PATJ: variants seen among roughly 807,000 people sequenced by gnomAD.
PATJ encodes the protein inaD-like protein.
A neutral mutation model predicts 224.9 loss-of-function variants in PATJ; 190 were observed. The observed-to-expected ratio is 0.84, with a 90% confidence interval of 0.75 to 0.95. PATJ has a LOEUF of 0.95. Ranked by LOEUF, PATJ falls within the 40% of genes least tolerant of loss-of-function variation. The pLI, the probability that PATJ is intolerant of heterozygous loss-of-function variation, is 0.00. For missense variants in PATJ, 2,121 were observed against 2,270.3 expected (o/e 0.93, Z 1.34); for synonymous variants, 769 against 820.3 (o/e 0.94, Z 1.07).
chr1:62,092,173 T>G (rs1364958996), intron 33 of PATJ, among the ~76,000 whole-genome samples: 2 of 150,058 alleles, frequency 1.3e-5, no homozygotes, highest in Non-Finnish European at 3.0e-5. Context: ...AGGCCAGGAG[T>G]TTGAGACTAA....
At chr1:61,933,859 T>C (rs1455192688) in intron 27 of PATJ, among the ~76,000 whole-genome samples, 1 of 152,214 alleles carries the variant, frequency 6.6e-6, no homozygotes, top group Non-Finnish European at 1.5e-5. Flanking sequence ...CTGTTTGTTA[T>C]TTCTCTTCCT....
intron 28 of PATJ, among the ~76,000 whole-genome samples, chr1:62,001,073 TA>T (rs1645738923): frequency 6.6e-6 from 1 of 152,112 alleles, no homozygotes; most frequent in Non-Finnish European, 1.5e-5. Context: ...GAGTTCATTA[TA>T]GATTCTGGAT....
chr1:61,777,553 A>T (rs918580357), intron 7 of PATJ, among the ~76,000 whole-genome samples: 13 of 152,190 alleles, frequency 8.5e-5, no homozygotes, highest in South Asian at 4.1e-4. Context: ...ATAAAAACAA[A>T]AGAAAAGAAA....
At chr1:61,840,270 A>G (rs1660873505) in intron 17 of PATJ, among the ~76,000 whole-genome samples, 1 of 152,042 alleles carries the variant, frequency 6.6e-6, no homozygotes, top group Admixed American at 6.6e-5. Context: ...TCCTTACCCT[A>G]TGCACAACAG....
chr1:61,875,581 G>T (rs532838915), intron 21 of PATJ: 53 of 385,846 alleles, frequency 1.4e-4, no homozygotes, highest in South Asian at 1.3e-3. Context: ...TTTTGAGAAG[G>T]CTACATTTTC....
chr1:61,845,715 C>T (rs1233166813), intron 17 of PATJ, among the ~76,000 whole-genome samples: 1 of 152,128 alleles, frequency 6.6e-6, no homozygotes, highest in Non-Finnish European at 1.5e-5. Context: ...TTAAAAAGAG[C>T]AAAACACTGC....
intron 15 of PATJ, among the ~76,000 whole-genome samples, chr1:61,823,565 T>C (rs1328902839): frequency 6.6e-6 from 1 of 152,182 alleles, no homozygotes; most frequent in Non-Finnish European, 1.5e-5. Flanking sequence ...GCACCTCTGC[T>C]TTGAAAGGAC....
At chr1:62,118,334 C>T (rs571644934) in intron 37 of PATJ, among the ~76,000 whole-genome samples, 17 of 152,178 alleles carry the variant, frequency 1.1e-4, no homozygotes, top group African/African-American at 3.4e-4. Context: ...TCTAGCCAGG[C>T]TTCTTCCTTA....
At position 61,892,841 on chromosome 1, in the gene PATJ, T is replaced by C. The variant is rs192682646; in HGVS notation, c.3132-6742T>C. Among the ~76,000 whole-genome samples, 26 of 152,224 alleles carry C rather than the reference T, an allele frequency of 1.7e-4. No homozygotes were observed. In the South Asian group the frequency reaches 2.7e-3, roughly 16 times the overall value. ...ACACATCATCTTCACCCAGAGTCCA[T>C]AGTTTAGATTAGGTTTCACTCTTGG... On this transcript the variant is annotated intron_variant, in intron 22 of 43. Coordinates refer to ENST00000642238, the MANE Select transcript of PATJ (RefSeq NM_001350145.3).
intron 26 of PATJ, among the ~76,000 whole-genome samples, chr1:61,924,020 C>T (rs907766807): frequency 2.0e-5 from 3 of 151,546 alleles, no homozygotes; most frequent in Non-Finnish European, 4.4e-5. Flanking sequence ...TGCCTCAGTT[C>T]ACTGTTTTTT....
chr1:62,064,156 T>G (rs1171918204), intron 31 of PATJ, among the ~76,000 whole-genome samples: 1 of 152,182 alleles, frequency 6.6e-6, no homozygotes, highest in African/African-American at 2.4e-5. Flanking sequence ...GCTGTTAGTA[T>G]TTTGAGGTAC....
At chr1:61,997,179 A>G (rs1348574662) in intron 28 of PATJ, among the ~76,000 whole-genome samples, 2 of 152,234 alleles carry the variant, frequency 1.3e-5, no homozygotes, top group African/African-American at 4.8e-5. Context: ...CTATATGTCA[A>G]TATTGTATCT....
intron 7 of PATJ, among the ~76,000 whole-genome samples, chr1:61,785,814 A>G (rs1403239041): frequency 1.3e-5 from 2 of 152,202 alleles, no homozygotes; most frequent in Non-Finnish European, 2.9e-5. Flanking sequence ...ATACATACAT[A>G]TAAAAGAATG....
intron 22 of PATJ, among the ~76,000 whole-genome samples, chr1:61,893,542 C>T (rs1669902528): frequency 6.7e-6 from 1 of 149,832 alleles, no homozygotes; most frequent in African/African-American, 2.5e-5. Context: ...GGCTCATGCC[C>T]ATGATCCCAA....
chr1:61,846,845 C>T (rs1190726405), intron 17 of PATJ, among the ~76,000 whole-genome samples: 3 of 152,158 alleles, frequency 2.0e-5, no homozygotes, highest in South Asian at 2.1e-4. Flanking sequence ...GTGATCTGCC[C>T]GCCTTGGCCT....
chr1:62,000,444 A>G (rs7354996), intron 28 of PATJ, among the ~76,000 whole-genome samples: 44,663 of 145,880 alleles, frequency 0.31, 7,233 homozygotes, highest in East Asian at 0.47. Flanking sequence ...GAGAATATGC[A>G]GTGTTTGGTT....
At chr1:62,158,659 T>C (rs921643155) in intron 43 of PATJ, among the ~76,000 whole-genome samples, 1 of 142,290 alleles carries the variant, frequency 7.0e-6, no homozygotes, top group Non-Finnish European at 1.5e-5. Flanking sequence ...AGGCAGAGCT[T>C]GCAGTGAGCC....
intron 14 of PATJ, among the ~76,000 whole-genome samples, chr1:61,814,786 C>G (rs1655769666): frequency 6.6e-6 from 1 of 152,068 alleles, no homozygotes; most frequent in Non-Finnish European, 1.5e-5. Flanking sequence ...ACTAACCAGT[C>G]AAAACCGATT....
At chr1:61,780,486 A>G (rs962591621) in intron 7 of PATJ, among the ~76,000 whole-genome samples, 3 of 151,928 alleles carry the variant, frequency 2.0e-5, no homozygotes, top group Non-Finnish European at 2.9e-5. Flanking sequence ...ACAAACAAAA[A>G]CCACACACAT....
Sources: allele counts gnomAD v4.1 joint callset (sites outside exome capture counted in the v4.1 genomes callset), GRCh38; gene constraint gnomAD v4.1.1; transcripts MANE v1.5; gene names NCBI Gene and HGNC (gene_info 2026-07-23, HGNC 2026-07-21).